The following FAM174A variants were observed in gnomAD, a reference collection of about 807,000 sequenced individuals.
FAM174A encodes the protein membrane protein FAM174A.
A neutral mutation model predicts 14.3 loss-of-function variants in FAM174A; 14 were observed. That is an observed-to-expected ratio of 0.98 (90% CI 0.65 to 1.53). The LOEUF (loss-of-function observed/expected upper bound fraction) is 1.53, where lower values mean the gene tolerates loss of function less well. Ranked by LOEUF, FAM174A falls within the 40% of genes most tolerant of loss-of-function variation. FAM174A has a pLI of 0.00. For missense variants in FAM174A, 241 were observed against 249.6 expected, an observed-to-expected ratio of 0.97 and a Z score of 0.23; for synonymous variants, 108 against 111.4, an observed-to-expected ratio of 0.97 and a Z score of 0.19.
At chr5:100,573,605 G>T (rs867784718) in intron 2 of FAM174A, among the ~76,000 whole-genome samples, 3 of 151,490 alleles carry the variant, frequency 2.0e-5, no homozygotes, top group African/African-American at 2.4e-5. Flanking sequence ...AACATTCCAT[G>T]CTCAAGGGTA....
intron 1 of FAM174A, among the ~76,000 whole-genome samples, chr5:100,559,380 T>C (rs1746474623): frequency 6.6e-6 from 1 of 152,134 alleles, no homozygotes. Context: ...ATTTTTTCCT[T>C]CATTTCAACT....
At chr5:100,584,264 A>G (rs1229100472) in intron 2 of FAM174A, among the ~76,000 whole-genome samples, 2 of 152,166 alleles carry the variant, frequency 1.3e-5, no homozygotes, top group Non-Finnish European at 2.9e-5. Flanking sequence ...TTTGCATGAA[A>G]CAGTACTGTT....
intron 1 of FAM174A, 32 bp downstream of exon 1, chr5:100,535,996 G>A: frequency 6.5e-7 from 1 of 1,527,152 alleles, no homozygotes; most frequent in Non-Finnish European, 8.8e-7. Flanking sequence ...GCACCCCCGT[G>A]GGCCTGAGAT....
intron 2 of FAM174A, among the ~76,000 whole-genome samples, chr5:100,580,990 G>A (rs924116193): frequency 2.8e-4 from 42 of 152,050 alleles, no homozygotes; most frequent in African/African-American, 9.7e-4. Context: ...CTACAATGGC[G>A]TGATCTCAGC....
intron 2 of FAM174A, among the ~76,000 whole-genome samples, chr5:100,566,151 T>TATATATATATAC (rs1746644414): frequency 8.3e-6 from 1 of 119,998 alleles, no homozygotes; most frequent in Non-Finnish European, 1.7e-5. Flanking sequence ...GATATATATA[T>TATATATATATAC]ATATATATAT....
chr5:100,583,167 T>C (rs1342587354), intron 2 of FAM174A, among the ~76,000 whole-genome samples: 2 of 152,164 alleles, frequency 1.3e-5, no homozygotes, highest in Non-Finnish European at 2.9e-5. Flanking sequence ...GTCTTCATCC[T>C]TGTCTTCACG....
At position 100,559,259 on chromosome 5, in the gene FAM174A, A is replaced by G. The variant is rs555789618; in HGVS notation, c.435-2795A>G. Among the ~76,000 whole-genome samples, 80 of 152,246 alleles carry G rather than the reference A, an allele frequency of 5.3e-4. No homozygotes were observed. In the Middle Eastern group the frequency reaches 0.014, roughly 26 times the overall value. ...ATTCTTTTCTTTAAGAATGTTGAATATTGGCCCCCACTATCTTCTGGCTTG... is the reference window on the plus strand; with the variant it reads ...ATTCTTTTCTTTAAGAATGTTGAATGTTGGCCCCCACTATCTTCTGGCTTG... On this transcript the variant is annotated intron_variant, in intron 1 of 2. Transcript: ENST00000312637.
intron 2 of FAM174A, among the ~76,000 whole-genome samples, chr5:100,567,537 G>T (rs571012369): frequency 6.6e-6 from 1 of 151,720 alleles, no homozygotes; most frequent in African/African-American, 2.4e-5. Context: ...AATTATTTTT[G>T]TCTGGAAATA....
chr5:100,582,391 T>G (rs1747037186), intron 2 of FAM174A, among the ~76,000 whole-genome samples: 1 of 152,122 alleles, frequency 6.6e-6, no homozygotes, highest in Non-Finnish European at 1.5e-5. Context: ...TTATTCATTT[T>G]CAGATGTTTT....
chr5:100,569,408 C>T (rs1352831518), intron 2 of FAM174A, among the ~76,000 whole-genome samples: 1 of 142,810 alleles, frequency 7.0e-6, no homozygotes, highest in Non-Finnish European at 1.5e-5. Flanking sequence ...TATATATTTA[C>T]AGCTGCATAT....
intron 1 of FAM174A, among the ~76,000 whole-genome samples, chr5:100,551,213 G>A (rs1561314809): frequency 6.6e-6 from 1 of 152,146 alleles, no homozygotes; most frequent in Non-Finnish European, 1.5e-5. Context: ...TGGCAGCCAT[G>A]GAGATACACT....
At chr5:100,554,690 A>G (rs1746333831) in intron 1 of FAM174A, among the ~76,000 whole-genome samples, 1 of 152,156 alleles carries the variant, frequency 6.6e-6, no homozygotes, top group Non-Finnish European at 1.5e-5. Context: ...ATAAGTCTAA[A>G]TCAGAGGTTA....
At chr5:100,542,286 T>G (rs1483039426) in intron 1 of FAM174A, among the ~76,000 whole-genome samples, 1 of 152,224 alleles carries the variant, frequency 6.6e-6, no homozygotes, top group Non-Finnish European at 1.5e-5. Context: ...TTTTCAAGTT[T>G]AAGCTTGAAA....
intron 2 of FAM174A, among the ~76,000 whole-genome samples, chr5:100,563,785 A>G (rs975184093): frequency 2.0e-5 from 3 of 152,016 alleles, no homozygotes; most frequent in Non-Finnish European, 4.4e-5. Context: ...AATTATTCCA[A>G]GTGTCTTTTC....
intron 1 of FAM174A, among the ~76,000 whole-genome samples, chr5:100,559,768 G>T (rs560476256): frequency 1.3e-5 from 2 of 152,170 alleles, no homozygotes; most frequent in African/African-American, 4.8e-5. Flanking sequence ...CATTCGTCAT[G>T]TAGTTCTCTT....
intron 1 of FAM174A, among the ~76,000 whole-genome samples, chr5:100,559,789 T>G (rs1314139878): frequency 6.6e-6 from 1 of 152,184 alleles, no homozygotes; most frequent in Non-Finnish European, 1.5e-5. Flanking sequence ...GCCATGGTTT[T>G]CAGCTTCATC....
At chr5:100,565,128 C>T (rs1403510131) in intron 2 of FAM174A, among the ~76,000 whole-genome samples, 1 of 151,750 alleles carries the variant, frequency 6.6e-6, no homozygotes, top group East Asian at 1.9e-4. Context: ...GCTAGTTACC[C>T]AAATTCAGCA....
At chr5:100,562,453 A>G (rs1746547699) in intron 2 of FAM174A, among the ~76,000 whole-genome samples, 1 of 151,834 alleles carries the variant, frequency 6.6e-6, no homozygotes, top group Non-Finnish European at 1.5e-5. Context: ...GTTCAGGGGT[A>G]CAAGTGCAGG....
chr5:100,542,838 A>G (rs1037814049), intron 1 of FAM174A, among the ~76,000 whole-genome samples: 1 of 149,454 alleles, frequency 6.7e-6, no homozygotes. Context: ...TTATATTTAT[A>G]TATATATATG....
Sources: allele counts gnomAD v4.1 joint callset (sites outside exome capture counted in the v4.1 genomes callset), GRCh38; gene constraint gnomAD v4.1.1; transcripts MANE v1.5; gene names NCBI Gene and HGNC (gene_info 2026-07-23, HGNC 2026-07-21).